The following TMEM217 variants were observed in gnomAD, a reference collection of about 807,000 sequenced individuals.
TMEM217 encodes chromosome 6 open reading frame 128.
For missense variants in TMEM217, 204 were observed against 248.8 expected (o/e 0.82, Z 1.21); for synonymous variants, 76 against 88.3 (o/e 0.86, Z 0.78).
chr6:37,240,281 G>C (rs1203753994), intron 1 of TMEM217, among the ~76,000 whole-genome samples: 1 of 152,218 alleles, frequency 6.6e-6, no homozygotes, highest in Non-Finnish European at 1.5e-5. Context: ...CAGGGCTGCT[G>C]TCAAGCTGTT....
chr6:37,236,901 C>G (rs1349738089), intron 1 of TMEM217, among the ~76,000 whole-genome samples: 1 of 152,164 alleles, frequency 6.6e-6, no homozygotes, highest in East Asian at 1.9e-4. Flanking sequence ...GGCGATTGCT[C>G]TTGGCTGTCA....
At chr6:37,256,049 G>C (rs1237335289) in intron 1 of TMEM217, among the ~76,000 whole-genome samples, 1 of 152,160 alleles carries the variant, frequency 6.6e-6, no homozygotes, top group East Asian at 1.9e-4. Context: ...GATATGTCTA[G>C]ATACACAAAT....
At chr6:37,249,636 T>C (rs945275093) in intron 1 of TMEM217, among the ~76,000 whole-genome samples, 1 of 152,208 alleles carries the variant, frequency 6.6e-6, no homozygotes, top group Non-Finnish European at 1.5e-5. Flanking sequence ...AAGATTTCTA[T>C]GTGACTGAAC....
chr6:37,255,436 C>G (rs1211808825), intron 1 of TMEM217, among the ~76,000 whole-genome samples: 1 of 152,110 alleles, frequency 6.6e-6, no homozygotes, highest in East Asian at 1.9e-4. Flanking sequence ...AATACTAGCT[C>G]TCTGGGAGGC....
chr6:37,256,292 A>G (rs1278869105), intron 1 of TMEM217, among the ~76,000 whole-genome samples: 2 of 152,202 alleles, frequency 1.3e-5, no homozygotes, highest in East Asian at 3.9e-4. Flanking sequence ...TTACTCTTTC[A>G]AGACATCAAC....
downstream of TMEM217, among the ~76,000 whole-genome samples, chr6:37,214,704 T>C (rs1763091017): frequency 6.6e-6 from 1 of 152,238 alleles, no homozygotes; most frequent in African/African-American, 2.4e-5. Context: ...GGTATCTGGC[T>C]TACTTCACTT....
chr6:37,223,734 C>G (rs1562005733), intron 1 of TMEM217, among the ~76,000 whole-genome samples: 1 of 152,170 alleles, frequency 6.6e-6, no homozygotes, highest in Non-Finnish European at 1.5e-5. Flanking sequence ...CTCTCAAACT[C>G]CTGACCTCAG....
At chr6:37,214,696 T>A (rs1254065967), downstream of TMEM217, among the ~76,000 whole-genome samples, 1 of 152,250 alleles carries the variant, frequency 6.6e-6, no homozygotes, top group Non-Finnish European at 1.5e-5. Flanking sequence ...TGTCCTTCGG[T>A]ATCTGGCTTA....
In TMEM217 at chr6:37,233,880, T is replaced by C. The variant is rs562931355; in HGVS notation, c.-11-14839A>G. Reference sequence around the variant, plus strand: ...TGGTGCAAAAGTGATATGCATTCAGTAAAAACAATACTTGGAGTACCCATA... The same window carrying C: ...TGGTGCAAAAGTGATATGCATTCAGCAAAAACAATACTTGGAGTACCCATA... On this transcript the variant is annotated intron_variant, in intron 1 of 1. Transcript: ENST00000357219. Among the ~76,000 whole-genome samples the C allele has an allele frequency of 7.9e-5, 12 of 152,308 alleles. No homozygotes were observed. In the South Asian group the frequency reaches 2.5e-3, roughly 32 times the overall value.
At chr6:37,236,397 G>A (rs774307697) in intron 1 of TMEM217, among the ~76,000 whole-genome samples, 13 of 152,178 alleles carry the variant, frequency 8.5e-5, no homozygotes, top group Non-Finnish European at 1.5e-4. Flanking sequence ...TAGAGTATGA[G>A]CATGTGTATT....
In TMEM217 at chr6:37,218,722, G is replaced by GA; in HGVS notation, c.308dup (p.Tyr104LeufsTer2). The GA allele has an allele frequency of 1.9e-6, 3 of 1,614,078 alleles. No individual in the cohort carries two copies. Among genetic ancestry groups the GA allele is most frequent in the East Asian group, 2.2e-5 (1 of 44,894 alleles). The stretch of plus-strand genomic sequence containing the variant: ...GTATTACGACGTTTGCAGTTTCATA[G>GA]AAAAAAATCCAGACAATGTAGATGA... On this transcript the variant is annotated frameshift_variant, in exon 2 of 2. Coordinates refer to ENST00000357219, the Ensembl canonical transcript of TMEM217. LOFTEE classifies it low-confidence loss of function (END_TRUNC).
chr6:37,245,973 A>AT (rs1008146950), intron 1 of TMEM217, among the ~76,000 whole-genome samples: 11 of 151,280 alleles, frequency 7.3e-5, no homozygotes, highest in East Asian at 1.9e-4. Flanking sequence ...CTAATTCTGT[A>AT]TTTTTTTTAG....
intron 1 of TMEM217, among the ~76,000 whole-genome samples, chr6:37,222,344 CG>C (rs2113824546): frequency 6.6e-6 from 1 of 152,322 alleles, no homozygotes; most frequent in South Asian, 2.1e-4. Context: ...GACCCCAACC[CG>C]GCTCCGAGAT....
chr6:37,246,858 G>T (rs1765112037), intron 1 of TMEM217, among the ~76,000 whole-genome samples: 1 of 151,000 alleles, frequency 6.6e-6, no homozygotes, highest in South Asian at 2.1e-4. Context: ...AGCCATGATT[G>T]TGCCACTGCG....
exon 4 of TMEM217, chr6:37,212,384 C>A: frequency 2.6e-6 from 1 of 383,508 alleles, no homozygotes. Context: ...GAACACCATT[C>A]CCTCCCACCT....
downstream of TMEM217, among the ~76,000 whole-genome samples, chr6:37,216,712 A>G (rs1360007401): frequency 6.6e-6 from 1 of 152,202 alleles, no homozygotes; most frequent in East Asian, 1.9e-4. Context: ...TTCATGTTGA[A>G]ACTTAATCCC....
At chr6:37,236,764 A>G (rs262925) in intron 1 of TMEM217, among the ~76,000 whole-genome samples, 2 of 152,018 alleles carry the variant, frequency 1.3e-5, no homozygotes, top group South Asian at 4.1e-4. Flanking sequence ...GTGGGTGAGG[A>G]CTTCAGACAG....
At chr6:37,257,271 C>T (rs1033923039) in intron 1 of TMEM217, among the ~76,000 whole-genome samples, 1 of 152,170 alleles carries the variant, frequency 6.6e-6, no homozygotes, top group Admixed American at 6.5e-5. Context: ...TGAACCGTTG[C>T]TCACGTGTTG....
chr6:37,223,276 C>T (rs144812017), intron 1 of TMEM217, among the ~76,000 whole-genome samples: 2 of 151,348 alleles, frequency 1.3e-5, no homozygotes, highest in East Asian at 3.9e-4. Flanking sequence ...TAACTGATTG[C>T]TAGAAGGATA....
Sources: allele counts gnomAD v4.1 joint callset (sites outside exome capture counted in the v4.1 genomes callset), GRCh38; gene constraint gnomAD v4.1.1; transcripts MANE v1.5; gene names NCBI Gene and HGNC (gene_info 2026-07-23, HGNC 2026-07-21).